The following SYNE2 variants were observed in gnomAD, a reference collection of about 807,000 sequenced individuals.
The protein encoded by SYNE2 is spectrin repeat containing nuclear envelope protein 2.
In SYNE2, 431 loss-of-function variants were observed where a neutral mutation model predicts 856.3. The observed-to-expected ratio is 0.50, with a 90% CI of 0.47 to 0.55. The LOEUF (loss-of-function observed/expected upper bound fraction) is 0.55. Among genes scored for constraint, SYNE2 ranks in the 20% least tolerant of loss-of-function variants. SYNE2 has a pLI of 0.00. For synonymous variants in SYNE2, 2,923 were observed against 2,872.3 expected, an observed-to-expected ratio of 1.02 and a Z score of -0.56; for missense variants, 8,129 against 8,023.2, an observed-to-expected ratio of 1.01 and a Z score of -0.50.
At position 64,163,393 on chromosome 14, in the gene SYNE2, C is replaced by CT; in HGVS notation, c.16300-7dup. On this transcript the variant is annotated splice_polypyrimidine_tract_variant and intron_variant, in intron 88 of 115. Transcript: ENST00000555002. Reference sequence around the variant, plus strand: ...GAAGAGGTGTTTGCCATCCCTTTTTCTTCTGCAGGAGCTGCAGCATGATGT... The same window carrying CT: ...GAAGAGGTGTTTGCCATCCCTTTTTCTTTCTGCAGGAGCTGCAGCATGATGT... 6.2e-7 allele frequency: 1 copy of CT among 1,613,674 alleles called. No homozygotes were observed. The highest frequency in any genetic ancestry group is 1.1e-5 in the South Asian group (1 of 91,064).
intron 99 of SYNE2, 134 bp from the exon 100 acceptor site, chr14:64,202,667 A>G: frequency 1.7e-6 from 2 of 1,207,646 alleles, no homozygotes; most frequent in South Asian, 2.8e-5. Flanking sequence ...CTGATATAAA[A>G]TCAAAGCAAA....
rs762161454 is a variant in SYNE2 at position 64,140,091 on chromosome 14, A to G, written c.14976+18A>G. 6.2e-7 allele frequency: 1 copy of G among 1,609,220 alleles called. No homozygotes were observed. The highest frequency in any genetic ancestry group is 2.2e-5 in the East Asian group (1 of 44,826). ...ATTTTTTTGTAAGTTGTAATAGCAT[A>G]TGTTCAGTTAATTACTGGTCAGAAA... On this transcript the variant is annotated intron_variant, in intron 80 of 115. Transcript: ENST00000555002.
chr14:63,763,025 C>T lies in SYNE2; in HGVS notation c.-305+1039C>T, dbSNP rs181342340. ...ACCTGTGGCCCAGCCTGTAGTGCTA[C>T]GGCACAATCTTGGCTCACTGCAACC... On this transcript the variant is annotated intron_variant, in intron 1 of 23. Coordinates refer to the SYNE2 transcript ENST00000674003. 7.0e-4 allele frequency among the ~76,000 whole-genome samples: 106 copies of T among 152,246 alleles called. 2 individuals carry two copies. The East Asian group carries it at 0.013, about 19-fold the overall frequency.
chr14:63,848,248 A>G (rs1397851599), upstream of SYNE2: 1 of 152,132 alleles, frequency 6.6e-6, no homozygotes, highest in African/African-American at 2.4e-5. Context: ...CTATGTTATT[A>G]TTTATTTATT....
intron 51 of SYNE2, among the ~76,000 whole-genome samples, chr14:64,066,701 C>T (rs536387975): frequency 6.6e-6 from 1 of 152,180 alleles, no homozygotes; most frequent in Non-Finnish European, 1.5e-5. Flanking sequence ...GCTGCTGGCA[C>T]CAGTGCTTGC....
chr14:64,089,720 G>A, intron 59 of SYNE2, 24 bp downstream of exon 59: 1 of 1,519,972 alleles, frequency 6.6e-7, no homozygotes, highest in Non-Finnish European at 9.1e-7. Flanking sequence ...ATTATTTAAA[G>A]TATTTTCTTA....
At chr14:64,034,611 AC>A (rs1302826627) in intron 45 of SYNE2, 10 of 511,328 alleles carry the variant, frequency 2.0e-5, no homozygotes, top group Non-Finnish European at 3.5e-5. Context: ...GTAGATCTGG[AC>A]CTTTGGTTGA....
intron 110 of SYNE2, among the ~76,000 whole-genome samples, 179 bp downstream of exon 110, chr14:64,219,589 G>C (rs1407559255): frequency 6.6e-6 from 1 of 152,174 alleles, no homozygotes; most frequent in Admixed American, 6.5e-5. Flanking sequence ...GCAGATTTTT[G>C]TTTTCACATG....
At chr14:63,834,538 G>A (rs1028085833) in intron 1 of SYNE2, among the ~76,000 whole-genome samples, 2 of 152,062 alleles carry the variant, frequency 1.3e-5, no homozygotes, top group African/African-American at 2.4e-5. Context: ...ATGTTGCCCA[G>A]GCTGGTCTCG....
At chr14:63,949,344 T>C (rs990182825) in intron 6 of SYNE2, among the ~76,000 whole-genome samples, 1 of 152,210 alleles carries the variant, frequency 6.6e-6, no homozygotes, top group African/African-American at 2.4e-5. Flanking sequence ...ATTAATGCAA[T>C]TGTTTTTCAT....
At chr14:64,080,724 G>T in intron 56 of SYNE2, 86 bp downstream of exon 56, 2 of 1,532,060 alleles carry the variant, frequency 1.3e-6, no homozygotes, top group Non-Finnish European at 1.8e-6. Context: ...GAAACAGTCA[G>T]TTTCTGTTGA....
At chr14:63,937,223 AC>A (rs1440273857) in intron 2 of SYNE2, among the ~76,000 whole-genome samples, 1 of 152,150 alleles carries the variant, frequency 6.6e-6, no homozygotes, top group East Asian at 1.9e-4. Context: ...AGACCTGGAG[AC>A]AGTAAACACA....
At chr14:64,140,390 C>T (rs2098129876) in intron 80 of SYNE2, among the ~76,000 whole-genome samples, 1 of 152,232 alleles carries the variant, frequency 6.6e-6, no homozygotes, top group African/African-American at 2.4e-5. Flanking sequence ...CGATACCAGC[C>T]TGACAAACAT....
At chr14:63,879,708 A>G (rs536995852) in intron 1 of SYNE2, among the ~76,000 whole-genome samples, 18 of 152,398 alleles carry the variant, frequency 1.2e-4, no homozygotes, top group African/African-American at 4.3e-4. Context: ...TCAGATAAAT[A>G]AGCAACAGAG....
intron 45 of SYNE2, among the ~76,000 whole-genome samples, chr14:64,041,115 A>G (rs2097145276): frequency 6.6e-6 from 1 of 152,212 alleles, no homozygotes; most frequent in Non-Finnish European, 1.5e-5. Context: ...TTATCATTCT[A>G]GAATGAGGCA....
At chr14:64,113,745 A>G (rs1306987469) in intron 66 of SYNE2, among the ~76,000 whole-genome samples, 174 bp downstream of exon 66, 2 of 152,222 alleles carry the variant, frequency 1.3e-5, no homozygotes. Context: ...TTATGGAACT[A>G]TCTTATTTGA....
chr14:63,862,982 G>T (rs1445256477), intron 1 of SYNE2, among the ~76,000 whole-genome samples: 1 of 152,012 alleles, frequency 6.6e-6, no homozygotes, highest in Non-Finnish European at 1.5e-5. Flanking sequence ...ATTTTTAGTA[G>T]AGGTGGAATT....
At chr14:63,820,379 C>G (rs1253139050) in intron 1 of SYNE2, among the ~76,000 whole-genome samples, 1 of 152,104 alleles carries the variant, frequency 6.6e-6, no homozygotes, top group Non-Finnish European at 1.5e-5. Context: ...TCAATGCATA[C>G]TTGGTGCCAT....
chr14:64,058,220 C>G (rs146933771), intron 49 of SYNE2, among the ~76,000 whole-genome samples: 1 of 152,210 alleles, frequency 6.6e-6, no homozygotes, highest in African/African-American at 2.4e-5. Flanking sequence ...GAGAGTTTTC[C>G]CCAATGTTTT....
Sources: gnomAD v4.1 joint callset for allele counts (sites outside exome capture counted in the v4.1 genomes callset) on GRCh38, gnomAD v4.1.1 for gene constraint, MANE v1.5 for transcripts, NCBI Gene and HGNC (gene_info 2026-07-23, HGNC 2026-07-21) for gene names.